The following ESPL1 variants were observed in gnomAD, a reference collection of about 807,000 sequenced individuals.
ESPL1 encodes separin.
A neutral mutation model predicts 217.2 loss-of-function variants in ESPL1; 50 were observed. The observed-to-expected ratio is 0.23, with a 90% confidence interval of 0.18 to 0.29. The LOEUF (loss-of-function observed/expected upper bound fraction) is 0.29, where lower values mean the gene tolerates loss of function less well. ESPL1 is among the 10% of genes least tolerant of loss of function. The pLI is 1.00. For synonymous variants in ESPL1, 994 were observed against 1,081.3 expected, an observed-to-expected ratio of 0.92 and a Z score of 1.58; for missense variants, 1,834 against 2,603.0, an observed-to-expected ratio of 0.70 and a Z score of 6.43.
rs71096001 is a variant in ESPL1, at chr12:53,273,836, G to GTTTTTTTT, written c.1507-958_1507-951dup. Reference sequence around the variant, plus strand: ...GAGAACCTGGGTTCTTGGTTTTTTGGTTTTTTTTTTTTTTTTTTTTTTTTT... The same window carrying GTTTTTTTT: ...GAGAACCTGGGTTCTTGGTTTTTTGGTTTTTTTTTTTTTTTTTTTTTTTTTTTTTTTTT... On this transcript the variant is annotated intron_variant, in intron 6 of 30. Transcript: ENST00000257934. Among the ~76,000 whole-genome samples the GTTTTTTTT allele has an allele frequency of 1.5e-3, 93 of 63,170 alleles. 8 individuals are homozygous for GTTTTTTTT. Among genetic ancestry groups the GTTTTTTTT allele is most frequent in the African/African-American group, 4.5e-3 (58 of 12,824 alleles). The allele number at this position is 63,170 out of a possible 152,430, so 41.4% of individuals were successfully genotyped here. A position where few individuals can be genotyped will look rare whatever the true frequency, so the allele number is the denominator to read the frequency against.
intron 17 of ESPL1, among the ~76,000 whole-genome samples, chr12:53,284,484 G>GAC (rs1943913519): frequency 6.6e-6 from 1 of 151,380 alleles, no homozygotes; most frequent in African/African-American, 2.4e-5. Context: ...TCGAACTCCT[G>GAC]ACCTCAGGTG....
Position 53,292,065 on chromosome 12 carries a change from C to A in ESPL1, c.5773C>A (p.Leu1925Ile), listed in dbSNP as rs373153518. ...CCGGCTGCCCTCCTTCCGCTTCCTA[C>A]TCAGCTACTCCATCATCAAAGAGGT... ...VTRLPSFRFL[L>I]SYSIIKEYGA... The change falls in exon 27 of 31, where the codon CTC becomes ATC. Residue 1925 changes from leucine (L) to isoleucine (I), a missense_variant. Physicochemically the swap from Leu to Ile is conservative, Grantham distance 5. This residue lies in a region of ESPL1 where 295 missense variants were observed against 519.8 expected (regional missense o/e 0.57). Transcript: ENST00000257934. The surrounding 1 kb of genome is among the most constrained non-coding windows in gnomAD (Gnocchi z 4.5). The A allele has an allele frequency of 1.2e-6, 2 of 1,613,848 alleles. No homozygotes were observed. Among genetic ancestry groups the A allele is most frequent in the Non-Finnish European group, 1.7e-6 (2 of 1,179,776 alleles).
Position 53,269,988 on chromosome 12 carries a change from G to A in ESPL1, c.1046G>A (p.Arg349Gln), listed in dbSNP as rs1023355201. 52 of 1,614,064 alleles carry A rather than the reference G, an allele frequency of 3.2e-5. No homozygotes were observed. Among genetic ancestry groups the A allele is most frequent in the African/African-American group, 4.0e-5 (3 of 74,922 alleles). Residue 349 changes from arginine (R) to glutamine (Q), a missense_variant, in exon 3 of 31, where the codon CGA becomes CAA. This residue lies in a region of ESPL1 where 746 missense variants were observed against 1,077.0 expected (regional missense o/e 0.69). Transcript: ENST00000257934. This position sits in a 1 kb window ranked among gnomAD's most constrained non-coding sequence, Gnocchi z 6.7. Reference sequence around the variant, plus strand: ...CAGTTCTTCCTTTCAGGCCTGGAACGAGGCACCAAGAGGCGCTATAGACTT... The same window carrying A: ...CAGTTCTTCCTTTCAGGCCTGGAACAAGGCACCAAGAGGCGCTATAGACTT... ...SCQFFLSGLE[R>Q]GTKRRYRLDA...
intron 24 of ESPL1, 42 bp from the exon 25 acceptor site, chr12:53,290,798 CT>C (rs1231029775): frequency 9.6e-7 from 1 of 1,044,478 alleles, no homozygotes; most frequent in East Asian, 7.2e-5. Flanking sequence ...GAGAAAGAAG[CT>C]TGGTTTCCTC....
chr12:53,274,950 C>T lies in ESPL1; in HGVS notation c.1640C>T (p.Thr547Ile). The T allele has an allele frequency of 6.3e-7, 1 of 1,593,974 alleles. No individual in the cohort carries two copies. The highest frequency in any genetic ancestry group is 8.5e-7 in the Non-Finnish European group (1 of 1,170,766). Reference sequence around the variant, plus strand: ...CCTGAACACATGGCTGAGCCAGTCACTTTCTGGGTTCGGGTCAAGATGGAT... The same window carrying T: ...CCTGAACACATGGCTGAGCCAGTCATTTTCTGGGTTCGGGTCAAGATGGAT... ...CSPEHMAEPVTFWVRVKMDAA... is the reference protein window; with the variant it reads ...CSPEHMAEPVIFWVRVKMDAA... Residue 547 changes from threonine (T) to isoleucine (I), a missense_variant, in exon 7 of 31, where the codon ACT becomes ATT. Coordinates refer to ENST00000257934, the MANE Select transcript of ESPL1 (RefSeq NM_012291.5).
intron 12 of ESPL1, 85 bp downstream of exon 12, chr12:53,279,951 G>T: frequency 7.0e-7 from 1 of 1,431,800 alleles, no homozygotes; most frequent in Non-Finnish European, 9.3e-7. Context: ...GATATCAAAG[G>T]GGCAGCTTCT....
chr12:53,274,777 G>A, intron 6 of ESPL1, 40 bp from the exon 7 acceptor site: 1 of 1,529,338 alleles, frequency 6.5e-7, no homozygotes, highest in South Asian at 1.1e-5. Context: ...CACACTCACT[G>A]GTTCCTCTCC....
rs1944077892 is a variant in ESPL1 at position 53,292,367 on chromosome 12, G to A, written c.5886G>A (p.Glu1962=). The A allele has an allele frequency of 1.2e-6, 2 of 1,613,846 alleles. No individual in the cohort carries two copies. The highest frequency in any genetic ancestry group is 8.5e-7 in the Non-Finnish European group (1 of 1,179,898). Residue 1962 remains glutamate (E), a synonymous_variant, in exon 28 of 31, where the codon GAG becomes GAA. Transcript: ENST00000257934. This position sits in a 1 kb window ranked among gnomAD's most constrained non-coding sequence, Gnocchi z 4.5. ...CTCACAATAACCTGTCAAGCACAGA[G>A]GAGCAATTTCGAGCCAATTTCAGCA... ...LNPHNNLSST[E]EQFRANFSSE...
intron 24 of ESPL1, 111 bp downstream of exon 24, chr12:53,290,580 C>A: frequency 8.6e-7 from 1 of 1,165,086 alleles, no homozygotes; most frequent in Non-Finnish European, 1.2e-6. Context: ...CAAATCCCTT[C>A]TGGAAGTGTA....
In ESPL1 at chr12:53,270,374, T is replaced by A. The variant is rs1457924357; in HGVS notation, c.1144-4T>A. 6.2e-7 allele frequency: 1 copy of A among 1,603,496 alleles called. No homozygotes were observed. The highest frequency in any genetic ancestry group is 1.1e-5 in the South Asian group (1 of 90,898). On this transcript the variant is annotated splice_region_variant and splice_polypyrimidine_tract_variant and intron_variant, in intron 3 of 30. Transcript: ENST00000257934. Reference sequence around the variant, plus strand: ...TCATACCAACCTTCCGCTTCCTTCCTCAGGTGTATGGGGGCTCCTCCAAGC... The same window carrying A: ...TCATACCAACCTTCCGCTTCCTTCCACAGGTGTATGGGGGCTCCTCCAAGC...
In ESPL1 at chr12:53,275,028, C is replaced by A. The variant is rs373279969; in HGVS notation, c.1700+18C>A. Reference sequence around the variant, plus strand: ...CAGCTAAAGTGAGTTGAGGGCCAGACGCAGTGGCTCATGCTTGTAATCCCA... The same window carrying A: ...CAGCTAAAGTGAGTTGAGGGCCAGAAGCAGTGGCTCATGCTTGTAATCCCA... On this transcript the variant is annotated intron_variant, in intron 7 of 30. Coordinates refer to ENST00000257934, the MANE Select transcript of ESPL1 (RefSeq NM_012291.5). 5 of 1,501,730 alleles carry A rather than the reference C, an allele frequency of 3.3e-6. No homozygotes were observed. The South Asian group carries it at 4.0e-5, about 12-fold the overall frequency. 93.0% of individuals were successfully genotyped at this position (1,501,730 alleles called of 1,614,324 possible).
intron 11 of ESPL1, 75 bp from the exon 12 acceptor site, chr12:53,279,657 A>C: frequency 6.3e-7 from 1 of 1,582,370 alleles, no homozygotes. Flanking sequence ...CAAGGTCCCA[A>C]AGGGCTGGGG....
At chr12:53,290,285 G>T in intron 23 of ESPL1, 62 bp from the exon 24 acceptor site, 1 of 1,610,454 alleles carries the variant, frequency 6.2e-7, no homozygotes, top group Non-Finnish European at 8.5e-7. Flanking sequence ...ATTCTGTGTT[G>T]AGGGAGGGAG....
chr12:53,291,780 G>C lies in ESPL1; in HGVS notation c.5611G>C (p.Glu1871Gln), dbSNP rs1361108211. ...LCPTQPERAQ[E>Q]LLNEAVGRLQ... is the part of the protein sequence containing the mutation. Reference sequence around the variant, plus strand: ...CCCAACCCAGCCAGAGCGAGCCCAGGAGCTCCTGAATGAGGCAGTAGGACG... The same window carrying C: ...CCCAACCCAGCCAGAGCGAGCCCAGCAGCTCCTGAATGAGGCAGTAGGACG... Residue 1871 changes from glutamate (E) to glutamine (Q), a missense_variant, in exon 26 of 31, where the codon GAG becomes CAG. Glu to Gln is a conservative substitution (Grantham distance 29). Transcript: ENST00000257934. The C allele has an allele frequency of 8.1e-6, 13 of 1,611,020 alleles. No homozygotes were observed. Among genetic ancestry groups the C allele is most frequent in the Admixed American group, 1.7e-5 (1 of 59,118 alleles).
chr12:53,279,845 C>T lies in ESPL1; in HGVS notation c.2478C>T (p.Leu826=), dbSNP rs1943832484. 2.5e-6 allele frequency: 4 copies of T among 1,603,936 alleles called. No homozygotes were observed. Among genetic ancestry groups the T allele is most frequent in the South Asian group, 1.1e-5 (1 of 89,818 alleles). The change falls in exon 12 of 31, where the codon CTC becomes CTT. Residue 826 remains leucine, a synonymous_variant. Transcript: ENST00000257934. The stretch of plus-strand genomic sequence containing the variant: ...ACATCACCCAGCTCCTCCTGACCCT[C>T]GGCTGTCCCAGCTATGCCCAGGTGA... ...SCHITQLLLT[L]GCPSYAQLHL... is the part of the protein sequence containing the mutation.
chr12:53,272,827 A>T lies in ESPL1; in HGVS notation c.1476A>T (p.Pro492=). Residue 492 remains proline, a synonymous_variant, in exon 6 of 31, where the codon CCA becomes CCT. Coordinates refer to ENST00000257934, the MANE Select transcript of ESPL1 (RefSeq NM_012291.5). ...PLCQHLGLVK[P]GTYPEVPPEK... is the part of the protein sequence containing the mutation. ...GTCAGCACCTGGGTTTGGTGAAGCC[A>T]GGCACTTATCCCGAGGTGCCTCCTG... 6.2e-7 allele frequency: 1 copy of T among 1,614,098 alleles called. No individual in the cohort carries two copies. Among genetic ancestry groups the T allele is most frequent in the Non-Finnish European group, 8.5e-7 (1 of 1,180,026 alleles).
In ESPL1 at chr12:53,289,204, T is replaced by G. The variant is rs1410758887; in HGVS notation, c.4823T>G (p.Leu1608Arg). ...CTCTGCCGCTTCCTGGCCTTGTGCCTGGGCCACCGGGATCCTTATGCCACT... is the reference window on the plus strand; with the variant it reads ...CTCTGCCGCTTCCTGGCCTTGTGCCGGGGCCACCGGGATCCTTATGCCACT... Reference protein sequence around the residue: ...AHLCRFLALCLGHRDPYATAF... With the variant: ...AHLCRFLALCRGHRDPYATAF... Residue 1608 changes from leucine to arginine, a missense_variant, in exon 21 of 31, where the codon CTG becomes CGG. Transcript: ENST00000257934. 1 of 1,613,964 alleles carries G rather than the reference T, an allele frequency of 6.2e-7. No individual in the cohort carries two copies. The highest frequency in any genetic ancestry group is 8.5e-7 in the Non-Finnish European group (1 of 1,180,022).
chr12:53,280,646 G>A (rs1943845445), intron 12 of ESPL1, among the ~76,000 whole-genome samples: 1 of 152,018 alleles, frequency 6.6e-6, no homozygotes, highest in East Asian at 1.9e-4. Context: ...GATAATACAG[G>A]CATGAGCCAC....
chr12:53,281,859 G>C (rs1216856065), intron 13 of ESPL1, among the ~76,000 whole-genome samples: 1 of 152,174 alleles, frequency 6.6e-6, no homozygotes, highest in Non-Finnish European at 1.5e-5. Context: ...AGTCTGTCCT[G>C]TGACGAAAAG....
Sources: gnomAD v4.1 joint callset for allele counts (sites outside exome capture counted in the v4.1 genomes callset) on GRCh38, gnomAD v4.1.1 for gene constraint, gnomAD v4.1.1 regional missense constraint, Gnocchi (gnomAD v3.1) non-coding constraint, MANE v1.5 for transcripts, NCBI Gene and HGNC (gene_info 2026-07-23, HGNC 2026-07-21) for gene names.